CCSER1: variants seen among roughly 807,000 people sequenced by gnomAD.
CCSER1 encodes coiled-coil serine rich protein 1.
In CCSER1, 41 loss-of-function variants were observed where a neutral mutation model predicts 82.0. The ratio of observed to expected loss-of-function variants is 0.50; its 90% confidence interval spans 0.39 to 0.65. The LOEUF (loss-of-function observed/expected upper bound fraction) is 0.65, where lower values mean the gene tolerates loss of function less well. Ranked by LOEUF, CCSER1 falls within the 30% of genes least tolerant of loss-of-function variation. The pLI is 0.00. For missense variants in CCSER1, 1,119 were observed against 1,064.2 expected (o/e 1.05, Z -0.72); for synonymous variants, 414 against 383.9 (o/e 1.08, Z -0.92).
intron 10 of CCSER1, among the ~76,000 whole-genome samples, chr4:91,101,033 GA>G (rs1204289083): frequency 6.6e-6 from 1 of 151,736 alleles, no homozygotes; most frequent in Non-Finnish European, 1.5e-5. Flanking sequence ...AGACAAACAG[GA>G]AAAAAAAGAG....
intron 10 of CCSER1, among the ~76,000 whole-genome samples, chr4:91,595,046 CT>C (rs1764499380): frequency 6.6e-6 from 1 of 151,044 alleles, no homozygotes; most frequent in Admixed American, 6.6e-5. Context: ...AATTTCTCTG[CT>C]TAAAAAAAAA....
At chr4:91,014,902 C>T (rs1209804643) in intron 9 of CCSER1, among the ~76,000 whole-genome samples, 1 of 152,002 alleles carries the variant, frequency 6.6e-6, no homozygotes, top group East Asian at 1.9e-4. Flanking sequence ...AACAGAGAAA[C>T]AGAAAAGTTC....
chr4:91,051,632 G>A (rs1444574422), intron 9 of CCSER1, among the ~76,000 whole-genome samples: 1 of 152,080 alleles, frequency 6.6e-6, no homozygotes, highest in Non-Finnish European at 1.5e-5. Context: ...TATTGTCATA[G>A]CTGGGTAAAT....
At chr4:91,023,278 A>G (rs1156595738) in intron 9 of CCSER1, among the ~76,000 whole-genome samples, 1 of 152,160 alleles carries the variant, frequency 6.6e-6, no homozygotes, top group Non-Finnish European at 1.5e-5. Context: ...GCTACCAATG[A>G]CTTTCTTCAC....
At chr4:91,183,848 G>T (rs181117133) in intron 10 of CCSER1, among the ~76,000 whole-genome samples, 12 of 152,238 alleles carry the variant, frequency 7.9e-5, no homozygotes, top group Admixed American at 7.2e-4. Context: ...GGCTAGTAAG[G>T]CTAGGATTTC....
Position 91,600,935 on chromosome 4 carries a change from C to T in CCSER1, c.*1878C>T, listed in dbSNP as rs1298999802. 1 of 152,044 alleles carries T rather than the reference C, an allele frequency of 6.6e-6. No individual in the cohort carries two copies. The allele number at this position is 152,044 out of a possible 1,614,324, so 9.4% of individuals were successfully genotyped here. Reference sequence around the variant, plus strand: ...GCTATAATGATCATGCAGATATACACTTTGGGCTGGGCAATATTTAAGAAA... The same window carrying T: ...GCTATAATGATCATGCAGATATACATTTTGGGCTGGGCAATATTTAAGAAA... On this transcript the variant is annotated 3_prime_UTR_variant, in exon 11 of 11. Coordinates refer to ENST00000509176, the MANE Select transcript of CCSER1 (RefSeq NM_001145065.2).
chr4:90,574,560 G>A (rs933294315), intron 5 of CCSER1, among the ~76,000 whole-genome samples: 10 of 151,790 alleles, frequency 6.6e-5, no homozygotes, highest in African/African-American at 2.2e-4. Flanking sequence ...GAGCCACCGC[G>A]CCTGGCCCGA....
chr4:91,599,516 A>G lies in CCSER1; in HGVS notation c.*459A>G, dbSNP rs77808276. Reference sequence around the variant, plus strand: ...ATAATTAATAGAAGGAGGAAAAAAGAGAAATGTTAACGTCTTATATTTGGT... The same window carrying G: ...ATAATTAATAGAAGGAGGAAAAAAGGGAAATGTTAACGTCTTATATTTGGT... On this transcript the variant is annotated 3_prime_UTR_variant, in exon 11 of 11. Transcript: ENST00000509176. 1.3e-5 allele frequency: 2 copies of G among 152,264 alleles called. No individual in the cohort carries two copies. Among genetic ancestry groups the G allele is most frequent in the African/African-American group, 2.4e-5 (1 of 41,450 alleles). 9.4% of individuals were successfully genotyped at this position (152,264 alleles called of 1,614,324 possible).
rs538785138 is a variant in CCSER1 at position 90,758,872 on chromosome 4, T to A, written c.2010+34881T>A. On this transcript the variant is annotated intron_variant, in intron 7 of 10. Transcript: ENST00000509176. ...GCAAACTGACAGAAGTTTGTATATC[T>A]CATGGTGATGGCTAAAGGGGATAAT... Among the ~76,000 whole-genome samples the A allele has an allele frequency of 5.9e-5, 9 of 152,310 alleles. No homozygotes were observed. In the East Asian group the frequency reaches 1.5e-3, roughly 26 times the overall value.
intron 10 of CCSER1, among the ~76,000 whole-genome samples, chr4:91,178,179 T>C (rs1435191744): frequency 1.3e-5 from 2 of 152,210 alleles, no homozygotes; most frequent in African/African-American, 4.8e-5. Flanking sequence ...TCAGACACAA[T>C]TTGTTATAAT....
intron 10 of CCSER1, among the ~76,000 whole-genome samples, chr4:91,127,685 G>C (rs1727635537): frequency 6.6e-6 from 1 of 151,952 alleles, no homozygotes; most frequent in African/African-American, 2.4e-5. Flanking sequence ...TTGCTTTATA[G>C]TTAATACAAT....
intron 3 of CCSER1, 38 bp from the exon 4 acceptor site, chr4:90,399,998 G>A: frequency 8.4e-7 from 1 of 1,193,518 alleles, no homozygotes; most frequent in African/African-American, 1.5e-5. Context: ...TTTACTCAGT[G>A]TTTTGGTTTC....
rs533460658 is a variant in CCSER1, at chr4:91,097,507, G to T, written c.2217+11513G>T. ...TATTAATCTGAAATTCTGAAAAAAGGTTAATATTGGTACACTTGAATATTT... is the reference window on the plus strand; with the variant it reads ...TATTAATCTGAAATTCTGAAAAAAGTTTAATATTGGTACACTTGAATATTT... On this transcript the variant is annotated intron_variant, in intron 10 of 10. Coordinates refer to ENST00000509176, the MANE Select transcript of CCSER1 (RefSeq NM_001145065.2). Among the ~76,000 whole-genome samples the T allele has an allele frequency of 3.3e-5, 5 of 152,242 alleles. No homozygotes were observed. In the East Asian group the frequency reaches 9.6e-4, roughly 29 times the overall value.
intron 5 of CCSER1, among the ~76,000 whole-genome samples, chr4:90,574,030 T>A (rs944997697): frequency 7.9e-5 from 12 of 151,830 alleles, no homozygotes; most frequent in Admixed American, 2.0e-4. Context: ...GTTTTTTTTT[T>A]AATTAAAAAA....
At chr4:91,335,016 T>C (rs975256340) in intron 10 of CCSER1, among the ~76,000 whole-genome samples, 6 of 152,116 alleles carry the variant, frequency 3.9e-5, no homozygotes, top group Non-Finnish European at 7.4e-5. Flanking sequence ...TTTTTTTAAT[T>C]AAAAGACTAC....
At chr4:90,132,081 T>C in intron 1 of CCSER1, among the ~76,000 whole-genome samples, 1 of 152,174 alleles carries the variant, frequency 6.6e-6, no homozygotes, top group East Asian at 1.9e-4. Flanking sequence ...TATTTTCATA[T>C]ATATATTTTG....
At chr4:90,652,866 G>A (rs1457297808) in intron 6 of CCSER1, among the ~76,000 whole-genome samples, 1 of 151,932 alleles carries the variant, frequency 6.6e-6, no homozygotes, top group Non-Finnish European at 1.5e-5. Flanking sequence ...TTGTTTCTCT[G>A]TATCCTCAAA....
intron 10 of CCSER1, among the ~76,000 whole-genome samples, chr4:91,588,758 G>T (rs760561064): frequency 1.9e-4 from 29 of 151,792 alleles, no homozygotes; most frequent in Non-Finnish European, 3.2e-4. Context: ...CCTTGTGTAT[G>T]TCCCCTGAAT....
intron 3 of CCSER1, among the ~76,000 whole-genome samples, chr4:90,352,556 G>A (rs1743662338): frequency 6.6e-6 from 1 of 151,918 alleles, no homozygotes. Flanking sequence ...CAGCTACTTG[G>A]GAGGTTGAGG....
Sources: allele counts gnomAD v4.1 joint callset (sites outside exome capture counted in the v4.1 genomes callset), GRCh38; gene constraint gnomAD v4.1.1; transcripts MANE v1.5; gene names NCBI Gene and HGNC (gene_info 2026-07-23, HGNC 2026-07-21).